ECPAS: variants seen among roughly 807,000 people sequenced by gnomAD.
The protein encoded by ECPAS is proteasome adapter and scaffold protein ECM29.
In ECPAS, 70 loss-of-function variants were observed where a neutral mutation model predicts 255.1. The ratio of observed to expected loss-of-function variants is 0.27; its 90% CI spans 0.23 to 0.33. ECPAS has a LOEUF of 0.33. ECPAS is among the 10% of genes least tolerant of loss of function. The pLI is 1.00. For synonymous variants in ECPAS, 784 were observed against 775.0 expected (o/e 1.01, Z -0.19); for missense variants, 1,817 against 2,206.4 (o/e 0.82, Z 3.54).
intron 31 of ECPAS, among the ~76,000 whole-genome samples, chr9:111,386,666 A>G (rs2098149106): frequency 1.3e-5 from 2 of 152,160 alleles, no homozygotes; most frequent in Non-Finnish European, 2.9e-5. Context: ...TAAAATGTAC[A>G]TTTGATGCTT....
At chr9:111,427,636 T>C (rs75743980) in intron 10 of ECPAS, among the ~76,000 whole-genome samples, 7,409 of 152,278 alleles carry the variant, frequency 0.049, 597 homozygotes, top group African/African-American at 0.17. Context: ...AAGATGAAAT[T>C]CACTGACATT....
chr9:111,361,886 T>C lies in ECPAS; in HGVS notation c.*144A>G. 3.0e-6 allele frequency: 3 copies of C among 1,006,980 alleles called. No individual in the cohort carries two copies. In the East Asian group the frequency reaches 7.9e-5, roughly 26 times the overall value. The allele number at this position is 1,006,980 out of a possible 1,614,324, so 62.4% of individuals were successfully genotyped here. ...AAAATAAAGCTAATAAGGAACAAAA[T>C]TTAAGGCTTTTTCTTTTTATTTCAG... On this transcript the variant is annotated 3_prime_UTR_variant, in exon 50 of 50. Coordinates refer to ENST00000684092, the MANE Select transcript of ECPAS (RefSeq NM_001364929.1).
chr9:111,368,412 T>A (rs1467642984), intron 46 of ECPAS, among the ~76,000 whole-genome samples: 1 of 152,178 alleles, frequency 6.6e-6, no homozygotes, highest in African/African-American at 2.4e-5. Flanking sequence ...TTCCTCTGAA[T>A]AGAGCTATGA....
intron 17 of ECPAS, among the ~76,000 whole-genome samples, chr9:111,416,977 T>C (rs962493291): frequency 1.3e-5 from 2 of 152,180 alleles, no homozygotes; most frequent in Admixed American, 6.5e-5. Context: ...GAACATGAAC[T>C]GTTCCCTGAA....
chr9:111,429,247 C>T (rs1037414037), intron 9 of ECPAS, among the ~76,000 whole-genome samples: 1 of 151,800 alleles, frequency 6.6e-6, no homozygotes, highest in Non-Finnish European at 1.5e-5. Flanking sequence ...TTAAGTAAAG[C>T]TGAGTTTTAT....
intron 24 of ECPAS, among the ~76,000 whole-genome samples, chr9:111,403,614 A>G (rs755258251): frequency 2.0e-5 from 3 of 149,868 alleles, no homozygotes; most frequent in Non-Finnish European, 4.4e-5. Context: ...CGTATAAAGC[A>G]TAATAGATTT....
chr9:111,459,803 T>TA (rs1281293599), intron 2 of ECPAS, among the ~76,000 whole-genome samples: 1 of 152,196 alleles, frequency 6.6e-6, no homozygotes, highest in Admixed American at 6.5e-5. Flanking sequence ...AAATATGAAC[T>TA]GTATTATTTA....
Position 111,413,980 on chromosome 9 carries a change from G to C in ECPAS, c.1994C>G (p.Pro665Arg). The change falls in exon 20 of 50, where the codon CCG becomes CGG. Residue 665 changes from proline (P) to arginine (R), a missense_variant. Physicochemically the swap from Pro to Arg is moderately radical, Grantham distance 103. Coordinates refer to ENST00000684092, the MANE Select transcript of ECPAS (RefSeq NM_001364929.1). ...AGCTTCCAATAGACAGTACATAACC[G>C]GCAAACCTAAATAAGAATTCAGAAT... ...QQLLAGVGGLPVMYCLLEAVS... is the reference protein window; with the variant it reads ...QQLLAGVGGLRVMYCLLEAVS... The C allele has an allele frequency of 6.4e-7, 1 of 1,570,466 alleles. No individual in the cohort carries two copies.
intron 13 of ECPAS, 81 bp from the exon 14 acceptor site, chr9:111,422,281 T>C (rs1224649290): frequency 7.0e-7 from 1 of 1,437,908 alleles, no homozygotes; most frequent in Non-Finnish European, 9.7e-7. Flanking sequence ...TAAACACAAA[T>C]TTTCCTGAAC....
At chr9:111,401,885 A>T (rs990457024) in intron 24 of ECPAS, among the ~76,000 whole-genome samples, 3 of 152,334 alleles carry the variant, frequency 2.0e-5, no homozygotes, top group African/African-American at 7.2e-5. Flanking sequence ...TGTTCCCTGA[A>T]AATCACTGTT....
rs1589117709 is a variant in ECPAS at position 111,375,273 on chromosome 9, T to C, written c.4021-71A>G. 20 of 1,128,550 alleles carry C rather than the reference T, an allele frequency of 1.8e-5. No homozygotes were observed. The East Asian group carries it at 4.5e-4, about 25-fold the overall frequency. The allele number at this position is 1,128,550 out of a possible 1,614,324, so 69.9% of individuals were successfully genotyped here. ...CAGGACCACATCTTCAATTAAAAAC[T>C]GCCCTTGTCAAACGTGTACCAACTG... On this transcript the variant is annotated intron_variant, in intron 37 of 49. Transcript: ENST00000684092.
intron 17 of ECPAS, among the ~76,000 whole-genome samples, 196 bp from the exon 18 acceptor site, chr9:111,416,548 CT>C (rs1290595527): frequency 1.3e-5 from 2 of 152,156 alleles, no homozygotes; most frequent in African/African-American, 4.8e-5. Context: ...GTGTATTGCC[CT>C]TTTTCCATGT....
At chr9:111,461,951 G>A (rs1421463514) in intron 2 of ECPAS, among the ~76,000 whole-genome samples, 4 of 152,164 alleles carry the variant, frequency 2.6e-5, no homozygotes, top group African/African-American at 7.2e-5. Context: ...GCTATCACGA[G>A]AACAGCATGG....
Position 111,370,542 on chromosome 9 carries a change from C to G in ECPAS, c.4867G>C (p.Val1623Leu), listed in dbSNP as rs2131500597. ...CTGATTGCTACAATCTTGTATTTGA[C>G]ATTCTCTTTGCTACATTCCTTCAGA... ...AVLKECSKEN[V>L]KYKIVAISCA... is the part of the protein sequence containing the mutation. Residue 1623 changes from valine to leucine, a missense_variant, in exon 45 of 50, where the codon GTC becomes CTC. By Grantham distance (32) the Val-to-Leu change is conservative. Around this residue, in one of 4 missense-constraint regions of ECPAS, gnomAD observed 960 missense variants for 1,179.0 expected, o/e 0.81. Transcript: ENST00000684092. 1 of 1,611,140 alleles carries G rather than the reference C, an allele frequency of 6.2e-7. No homozygotes were observed. Among genetic ancestry groups the G allele is most frequent in the South Asian group, 1.1e-5 (1 of 90,388 alleles).
At position 111,363,644 on chromosome 9, in the gene ECPAS, GAGT is replaced by G. The variant is rs778860452; in HGVS notation, c.5321_5323del (p.Tyr1774del). The G allele has an allele frequency of 7.8e-6, 12 of 1,528,702 alleles. No homozygotes were observed. In the East Asian group the frequency reaches 2.7e-4, roughly 34 times the overall value. 94.7% of individuals were successfully genotyped at this position (1,528,702 alleles called of 1,614,324 possible). On this transcript the variant is annotated inframe_deletion, in exon 49 of 50. Coordinates refer to ENST00000684092, the MANE Select transcript of ECPAS (RefSeq NM_001364929.1). ...AGATAAAGCTTCTGTTCTCACAGAT[GAGT>G]AGGTCTTATTTTCTAAAAAGAAATA...
In ECPAS at chr9:111,421,987, C is replaced by G. The variant is rs188300073; in HGVS notation, c.1389G>C (p.Ala463=). 1 of 1,613,684 alleles carries G rather than the reference C, an allele frequency of 6.2e-7. No individual in the cohort carries two copies. Among genetic ancestry groups the G allele is most frequent in the East Asian group, 2.2e-5 (1 of 44,856 alleles). Residue 463 remains alanine, a synonymous_variant, in exon 15 of 50, where the codon GCG becomes GCC. Transcript: ENST00000684092. The part of the protein sequence containing the change: ...IQEALSMMVG[A]YSTLEGAQRT... ...GCTGTGCCCCTTCCAAAGTACTATA[C>G]GCTCCAACCATCATAGATAAAGCTT...
At chr9:111,419,470 G>T (rs1261180056) in intron 16 of ECPAS, among the ~76,000 whole-genome samples, 1 of 152,006 alleles carries the variant, frequency 6.6e-6, no homozygotes, top group Admixed American at 6.6e-5. Flanking sequence ...ACTTTTAAAG[G>T]CATGTCCCAA....
intron 48 of ECPAS, 60 bp downstream of exon 48, chr9:111,366,179 G>GCT: frequency 9.1e-7 from 1 of 1,099,118 alleles, no homozygotes; most frequent in South Asian, 1.4e-5. Flanking sequence ...AATATTTGAA[G>GCT]CTCAGCTCCT....
chr9:111,476,574 ATT>A (rs58723893), intron 1 of ECPAS, among the ~76,000 whole-genome samples: 6,650 of 105,764 alleles, frequency 0.063, 133 homozygotes, highest in East Asian at 0.18. Flanking sequence ...TAACATCAGA[ATT>A]TTTTTTTTTT....
Sources: allele counts gnomAD v4.1 joint callset (sites outside exome capture counted in the v4.1 genomes callset), GRCh38; gene constraint gnomAD v4.1.1; regional missense constraint gnomAD v4.1.1; transcripts MANE v1.5; gene names NCBI Gene and HGNC (gene_info 2026-07-23, HGNC 2026-07-21).